HS6ST3: variants seen among roughly 807,000 people sequenced by gnomAD.
The protein encoded by HS6ST3 is heparan sulfate 6-O-sulfotransferase 3.
A neutral mutation model predicts 36.7 loss-of-function variants in HS6ST3; 12 were observed. That is an observed-to-expected ratio of 0.33 (90% CI 0.21 to 0.53). The LOEUF is 0.53. Among genes scored for constraint, HS6ST3 ranks in the 20% least tolerant of loss-of-function variants. The pLI is 0.95. For synonymous variants in HS6ST3, 240 were observed against 257.5 expected, an observed-to-expected ratio of 0.93 and a Z score of 0.65; for missense variants, 584 against 640.9, an observed-to-expected ratio of 0.91 and a Z score of 0.96.
intron 1 of HS6ST3, among the ~76,000 whole-genome samples, chr13:96,168,770 A>G (rs1208894478): frequency 6.6e-6 from 1 of 151,888 alleles, no homozygotes; most frequent in Non-Finnish European, 1.5e-5. Context: ...TGTTATGTTT[A>G]CTTTTTAATT....
intron 1 of HS6ST3, among the ~76,000 whole-genome samples, chr13:96,326,113 AATTT>A (rs1050430067): frequency 5.3e-5 from 8 of 152,060 alleles, no homozygotes; most frequent in African/African-American, 1.9e-4. Context: ...AAAAACATCC[AATTT>A]ATTCTGCTTA....
chr13:96,125,707 T>C (rs1007698089), intron 1 of HS6ST3, among the ~76,000 whole-genome samples: 2 of 152,072 alleles, frequency 1.3e-5, no homozygotes, highest in African/African-American at 4.8e-5. Flanking sequence ...TTATAAAATA[T>C]ATAAATTTAT....
intron 1 of HS6ST3, among the ~76,000 whole-genome samples, chr13:96,688,874 C>T (rs1456688082): frequency 6.6e-6 from 1 of 152,046 alleles, no homozygotes; most frequent in East Asian, 1.9e-4. Flanking sequence ...GCATCCTCCT[C>T]ACTACTGTGT....
At chr13:96,812,682 C>G (rs2138536237) in intron 1 of HS6ST3, among the ~76,000 whole-genome samples, 1 of 152,316 alleles carries the variant, frequency 6.6e-6, no homozygotes, top group South Asian at 2.1e-4. Flanking sequence ...GTTACTCCAC[C>G]TCCTAAGTGA....
In HS6ST3 at chr13:96,091,397, G is replaced by C; in HGVS notation, c.535G>C (p.Ala179Pro). 6.2e-7 allele frequency: 1 copy of C among 1,613,720 alleles called. No individual in the cohort carries two copies. Reference protein sequence around the residue: ...IRLEQPCSCKAGQKKCTCHRP... With the variant: ...IRLEQPCSCKPGQKKCTCHRP... The stretch of plus-strand genomic sequence containing the variant: ...GCTGGAGCAGCCTTGTAGCTGCAAA[G>C]CGGGTCAGAAGAAGTGCACCTGCCA... The change falls in exon 1 of 2, where the codon GCG becomes CCG. Residue 179 changes from alanine to proline, a missense_variant. Ala to Pro is a conservative substitution (Grantham distance 27). Transcript: ENST00000376705.
At chr13:96,750,577 A>G (rs1876676809) in intron 1 of HS6ST3, among the ~76,000 whole-genome samples, 2 of 152,222 alleles carry the variant, frequency 1.3e-5, no homozygotes, top group Admixed American at 6.5e-5. Context: ...ATTTATGTGT[A>G]TATGTATGTG....
chr13:96,146,453 G>A (rs189151727), intron 1 of HS6ST3, among the ~76,000 whole-genome samples: 31 of 152,192 alleles, frequency 2.0e-4, no homozygotes, highest in Middle Eastern at 3.4e-3. Context: ...TTGGCTCTCC[G>A]TTTGTCTGTT....
chr13:96,161,405 C>T (rs1220157432), intron 1 of HS6ST3, among the ~76,000 whole-genome samples: 1 of 152,082 alleles, frequency 6.6e-6, no homozygotes, highest in Non-Finnish European at 1.5e-5. Flanking sequence ...CGTGAAATTG[C>T]ATAGATTCTT....
intron 1 of HS6ST3, among the ~76,000 whole-genome samples, chr13:96,449,042 G>A (rs943684078): frequency 6.6e-6 from 1 of 152,050 alleles, no homozygotes; most frequent in Non-Finnish European, 1.5e-5. Flanking sequence ...GCTCACTGCT[G>A]CCTCGACTTC....
At chr13:96,799,482 G>C (rs1877990200) in intron 1 of HS6ST3, among the ~76,000 whole-genome samples, 1 of 151,946 alleles carries the variant, frequency 6.6e-6, no homozygotes, top group Non-Finnish European at 1.5e-5. Context: ...TCCTTTGTAG[G>C]GACATGGATG....
chr13:96,148,806 C>T (rs980881505), intron 1 of HS6ST3, among the ~76,000 whole-genome samples: 10 of 152,008 alleles, frequency 6.6e-5, no homozygotes, highest in South Asian at 2.1e-4. Flanking sequence ...AGTAAAGATT[C>T]GGAATTAGAG....
chr13:96,183,857 A>G (rs1441260873), intron 1 of HS6ST3, among the ~76,000 whole-genome samples: 4 of 152,154 alleles, frequency 2.6e-5, no homozygotes, highest in Non-Finnish European at 5.9e-5. Context: ...GTGGTGATGG[A>G]TACATAACAA....
chr13:96,172,134 A>G (rs1256065417), intron 1 of HS6ST3, among the ~76,000 whole-genome samples: 1 of 152,246 alleles, frequency 6.6e-6, no homozygotes, highest in Non-Finnish European at 1.5e-5. Context: ...CACAAATGAA[A>G]TATGTGTACT....
At chr13:96,411,828 A>G (rs543141999) in intron 1 of HS6ST3, among the ~76,000 whole-genome samples, 114 of 152,264 alleles carry the variant, frequency 7.5e-4, no homozygotes, top group African/African-American at 2.6e-3. Context: ...ACAGAGCTAA[A>G]TGATAGATGA....
At position 96,790,871 on chromosome 13, in the gene HS6ST3, C is replaced by A. The variant is rs1877770926; in HGVS notation, c.708-41619C>A. Among the ~76,000 whole-genome samples, 14 of 152,140 alleles carry A rather than the reference C, an allele frequency of 9.2e-5. No individual in the cohort carries two copies. In the South Asian group the frequency reaches 2.9e-3, roughly 32 times the overall value. On this transcript the variant is annotated intron_variant, in intron 1 of 1. Coordinates refer to ENST00000376705, the MANE Select transcript of HS6ST3 (RefSeq NM_153456.4). ...CATGAATTAATTCCCTCACAAAATT[C>A]TGATAAATGTTTACCTAAACATTTA...
chr13:96,443,925 A>T (rs2055685935), intron 1 of HS6ST3, among the ~76,000 whole-genome samples: 1 of 152,228 alleles, frequency 6.6e-6, no homozygotes, highest in South Asian at 2.1e-4. Context: ...TGGAAAATTA[A>T]TCATCACAGA....
At chr13:96,671,161 G>A (rs928350918) in intron 1 of HS6ST3, among the ~76,000 whole-genome samples, 20 of 152,106 alleles carry the variant, frequency 1.3e-4, no homozygotes, top group African/African-American at 4.8e-4. Flanking sequence ...CTTCCACACA[G>A]GTTGGAGCCA....
chr13:96,195,903 C>T (rs1339676790), intron 1 of HS6ST3, among the ~76,000 whole-genome samples: 4 of 152,106 alleles, frequency 2.6e-5, no homozygotes, highest in African/African-American at 9.7e-5. Flanking sequence ...TTGAACAGTA[C>T]CTGGCATGTA....
chr13:96,113,062 C>A (rs1005245876), intron 1 of HS6ST3, among the ~76,000 whole-genome samples: 1 of 152,000 alleles, frequency 6.6e-6, no homozygotes, highest in Admixed American at 6.5e-5. Flanking sequence ...ATGGGCACTG[C>A]CCTCATGGTG....
Sources: allele counts gnomAD v4.1 joint callset (sites outside exome capture counted in the v4.1 genomes callset), GRCh38; gene constraint gnomAD v4.1.1; transcripts MANE v1.5; gene names NCBI Gene and HGNC (gene_info 2026-07-23, HGNC 2026-07-21).